PCDH15: variants seen among roughly 807,000 people sequenced by gnomAD.
The protein encoded by PCDH15 is protocadherin related 15.
A neutral mutation model predicts 178.5 loss-of-function variants in PCDH15; 129 were observed. That is an observed-to-expected ratio of 0.72 (90% CI 0.63 to 0.84). The LOEUF is 0.84. Ranked by LOEUF, PCDH15 falls within the 40% of genes least tolerant of loss-of-function variation. The pLI is 0.00. For synonymous variants in PCDH15, 800 were observed against 732.0 expected (o/e 1.09, Z -1.50); for missense variants, 2,230 against 2,099.9 (o/e 1.06, Z -1.21).
chr10:53,982,347 T>G (rs925233091), intron 21 of PCDH15, among the ~76,000 whole-genome samples: 5 of 152,054 alleles, frequency 3.3e-5, no homozygotes, highest in South Asian at 2.1e-4. Flanking sequence ...TATAAATCAT[T>G]CTGCTATAAA....
intron 3 of PCDH15, among the ~76,000 whole-genome samples, chr10:54,822,128 T>C (rs956801299): frequency 6.6e-6 from 1 of 152,204 alleles, no homozygotes; most frequent in Non-Finnish European, 1.5e-5. Context: ...GGGATATTCA[T>C]CATCTAAAAC....
chr10:54,499,936 A>G (rs1027566053), intron 3 of PCDH15, among the ~76,000 whole-genome samples: 39 of 152,150 alleles, frequency 2.6e-4, no homozygotes, highest in Non-Finnish European at 4.4e-5. Flanking sequence ...CAGAAATCCC[A>G]TTACTGGGTA....
At chr10:54,172,506 A>G (rs2047022232) in intron 13 of PCDH15, among the ~76,000 whole-genome samples, 1 of 152,190 alleles carries the variant, frequency 6.6e-6, no homozygotes. Context: ...GCATGAAAAT[A>G]ACAAAATTTA....
intron 2 of PCDH15, among the ~76,000 whole-genome samples, chr10:55,537,411 T>TTATGTATGTATG (rs539616680): frequency 1.5e-4 from 22 of 150,794 alleles, no homozygotes; most frequent in African/African-American, 4.1e-4. Context: ...ATTTATGTAT[T>TTATGTATGTATG]TATGTATGTA....
At chr10:54,672,224 T>C (rs2135517375) in intron 1 of PCDH15, among the ~76,000 whole-genome samples, 1 of 151,378 alleles carries the variant, frequency 6.6e-6, no homozygotes, top group South Asian at 2.1e-4. Context: ...TATATTATAA[T>C]ATAATAATAA....
At chr10:54,648,502 C>T (rs1401840803) in intron 2 of PCDH15, among the ~76,000 whole-genome samples, 1 of 152,048 alleles carries the variant, frequency 6.6e-6, no homozygotes, top group Non-Finnish European at 1.5e-5. Context: ...GGGTTGGGCA[C>T]CTAGTAGCCC....
chr10:55,542,437 A>G (rs1007794303), intron 2 of PCDH15, among the ~76,000 whole-genome samples: 25 of 150,974 alleles, frequency 1.7e-4, no homozygotes, highest in African/African-American at 6.1e-4. Flanking sequence ...TGTCTACAGT[A>G]TATGTAATAT....
At chr10:55,472,465 CTTTTTTTTT>C (rs71014493) in intron 2 of PCDH15, among the ~76,000 whole-genome samples, 1 of 99,766 alleles carries the variant, frequency 1.0e-5, no homozygotes, top group African/African-American at 3.7e-5. Context: ...TTTGAATTAG[CTTTTTTTTT>C]TTTTTTTTTT....
intron 2 of PCDH15, among the ~76,000 whole-genome samples, chr10:55,584,366 A>AT: frequency 6.6e-6 from 1 of 151,268 alleles, no homozygotes; most frequent in South Asian, 2.1e-4. Context: ...TTAAAAAAAA[A>AT]AAATCAATTA....
At chr10:54,572,136 T>C (rs2089923518) in intron 2 of PCDH15, among the ~76,000 whole-genome samples, 1 of 152,160 alleles carries the variant, frequency 6.6e-6, no homozygotes. Flanking sequence ...GAAGGTATAA[T>C]AAATTTTACA....
intron 13 of PCDH15, among the ~76,000 whole-genome samples, chr10:54,154,092 G>C (rs2044840455): frequency 6.6e-6 from 1 of 152,048 alleles, no homozygotes; most frequent in Non-Finnish European, 1.5e-5. Flanking sequence ...TATATGAAAA[G>C]ATAACAATGA....
At chr10:54,874,405 C>T (rs1954100268) in intron 3 of PCDH15, among the ~76,000 whole-genome samples, 1 of 149,658 alleles carries the variant, frequency 6.7e-6, no homozygotes, top group African/African-American at 2.5e-5. Context: ...CAAGTCTTTG[C>T]TATTGTGAAT....
intron 3 of PCDH15, among the ~76,000 whole-genome samples, chr10:54,854,526 C>A (rs1022219471): frequency 2.0e-5 from 3 of 152,152 alleles, no homozygotes; most frequent in African/African-American, 7.2e-5. Context: ...GCAGGGGGAG[C>A]TCCTTTCTGC....
rs929181942 is a variant in PCDH15 at position 54,971,400 on chromosome 10, T to A, written c.-79-73900A>T. Among the ~76,000 whole-genome samples the A allele has an allele frequency of 3.3e-5, 5 of 152,136 alleles. No homozygotes were observed. The South Asian group carries it at 6.2e-4, about 19-fold the overall frequency. On this transcript the variant is annotated intron_variant, in intron 2 of 5. Coordinates refer to the PCDH15 transcript ENST00000458638. Reference sequence around the variant, plus strand: ...GCAGGGACATGTCAAAAAAATGCCATCTTGAAAGTACAGCCTGGGCCCTTA... The same window carrying A: ...GCAGGGACATGTCAAAAAAATGCCAACTTGAAAGTACAGCCTGGGCCCTTA...
At chr10:55,368,259 A>G (rs1012348454) in intron 2 of PCDH15, among the ~76,000 whole-genome samples, 7 of 152,148 alleles carry the variant, frequency 4.6e-5, no homozygotes, top group African/African-American at 1.2e-4. Flanking sequence ...GTGTACACAT[A>G]ACATCATTTT....
intron 23 of PCDH15, among the ~76,000 whole-genome samples, chr10:53,949,487 C>A (rs752007693): frequency 6.6e-6 from 1 of 152,102 alleles, no homozygotes; most frequent in African/African-American, 2.4e-5. Flanking sequence ...TTATTAAAAT[C>A]TTTTCTCAAA....
chr10:54,330,107 T>C (rs1939132615), intron 6 of PCDH15, among the ~76,000 whole-genome samples: 1 of 151,936 alleles, frequency 6.6e-6, no homozygotes, highest in Admixed American at 6.6e-5. Flanking sequence ...ATAGTATCAA[T>C]TGTCAACATT....
intron 1 of PCDH15, among the ~76,000 whole-genome samples, chr10:54,762,465 G>T (rs1381771549): frequency 2.0e-5 from 3 of 152,088 alleles, no homozygotes; most frequent in Non-Finnish European, 4.4e-5. Flanking sequence ...GTTGATATTT[G>T]TAACTTTTAT....
chr10:54,932,845 T>A (rs1046232497), intron 2 of PCDH15, among the ~76,000 whole-genome samples: 4 of 152,096 alleles, frequency 2.6e-5, no homozygotes, highest in Non-Finnish European at 4.4e-5. Context: ...CCCATGTTTT[T>A]AAAGTCTACA....
Sources: gnomAD v4.1 joint callset for allele counts (sites outside exome capture counted in the v4.1 genomes callset) on GRCh38, gnomAD v4.1.1 for gene constraint, MANE v1.5 for transcripts, NCBI Gene and HGNC (gene_info 2026-07-23, HGNC 2026-07-21) for gene names.